MYO1H: variants seen among roughly 807,000 people sequenced by gnomAD.
The protein encoded by MYO1H is myosin IH.
A neutral mutation model predicts 149.3 loss-of-function variants in MYO1H; 118 were observed. The ratio of observed to expected loss-of-function variants is 0.79; its 90% confidence interval spans 0.68 to 0.92. The LOEUF (loss-of-function observed/expected upper bound fraction) is 0.92. Among genes scored for constraint, MYO1H ranks in the 40% least tolerant of loss-of-function variants. The probability of loss-of-function intolerance (pLI) is 0.00; values close to 1 mark genes in which losing one functional copy is unlikely to be tolerated. For synonymous variants in MYO1H, 447 were observed against 465.2 expected (o/e 0.96, Z 0.50); for missense variants, 1,212 against 1,280.7 (o/e 0.95, Z 0.82).
chr12:109,384,562 T>C (rs1290641145), intron 1 of MYO1H, among the ~76,000 whole-genome samples: 1 of 152,180 alleles, frequency 6.6e-6, no homozygotes, highest in East Asian at 1.9e-4. Flanking sequence ...ACTCTCGTTT[T>C]CTCACGCCCT....
At chr12:109,318,976 T>G in the MYO1H span, among the ~76,000 whole-genome samples, 2 of 135,922 alleles carry the variant, frequency 1.5e-5, no homozygotes, top group East Asian at 2.0e-4. Flanking sequence ...GGTTTTGTTT[T>G]TTTTTTTTTT....
At chr12:109,385,583 C>A (rs1259306147) in intron 1 of MYO1H, among the ~76,000 whole-genome samples, 1 of 152,170 alleles carries the variant, frequency 6.6e-6, no homozygotes, top group Non-Finnish European at 1.5e-5. Flanking sequence ...ACGAGCCTAC[C>A]ACGCCCAGCC....
At chr12:109,358,218 G>A (rs1401966002) in intron 1 of MYO1H, among the ~76,000 whole-genome samples, 1 of 151,856 alleles carries the variant, frequency 6.6e-6, no homozygotes, top group African/African-American at 2.4e-5. Flanking sequence ...CAGGATTGCT[G>A]TCATAAGAAA....
At chr12:109,332,103 G>A in the MYO1H span, among the ~76,000 whole-genome samples, 1 of 152,312 alleles carries the variant, frequency 6.6e-6, no homozygotes, top group South Asian at 2.1e-4. Flanking sequence ...AGCAAGTGCT[G>A]TACTGGGATT....
rs562164162 is a variant in MYO1H, at chr12:109,392,904, G to A, written c.175-427G>A. 7.9e-5 allele frequency among the ~76,000 whole-genome samples: 12 copies of A among 151,680 alleles called. No individual in the cohort carries two copies. In the East Asian group the frequency reaches 2.0e-3, roughly 25 times the overall value. The stretch of plus-strand genomic sequence containing the variant: ...GGCTCACTGCAACCTCCGCCTCCTG[G>A]GTTCAAGAGATTCTCCTGCCTCCGC... On this transcript the variant is annotated intron_variant, in intron 2 of 31. Coordinates refer to ENST00000310903, the Ensembl canonical transcript of MYO1H.
At position 109,415,599 on chromosome 12, in the gene MYO1H, G is replaced by GA. The variant is rs1870868470; in HGVS notation, c.1577dup (p.Val527GlyfsTer14). The GA allele has an allele frequency of 6.2e-7, 1 of 1,603,812 alleles. No individual in the cohort carries two copies. The highest frequency in any genetic ancestry group is 8.5e-7 in the Non-Finnish European group (1 of 1,175,424). ...GTTCCGACTCCTCCACTATGCAGGA[G>GA]AGGTCACATACTGCACCAAGGGTGA... On this transcript the variant is annotated frameshift_variant, in exon 15 of 32. Coordinates refer to ENST00000310903, the Ensembl canonical transcript of MYO1H. LOFTEE classifies it high-confidence loss of function.
chr12:109,316,499 A>C, the MYO1H span, among the ~76,000 whole-genome samples: 1 of 152,228 alleles, frequency 6.6e-6, no homozygotes, highest in Admixed American at 6.5e-5. Context: ...AACTTGTTCC[A>C]ATATAGCACT....
intron 15 of MYO1H, among the ~76,000 whole-genome samples, chr12:109,417,825 GT>G (rs201815885): frequency 3.3e-5 from 5 of 149,848 alleles, no homozygotes; most frequent in African/African-American, 4.9e-5. Context: ...GTTTTGTTTT[GT>G]TTTTTTTGAG....
At chr12:109,400,892 A>T (rs1870132419) in intron 5 of MYO1H, among the ~76,000 whole-genome samples, 1 of 152,220 alleles carries the variant, frequency 6.6e-6, no homozygotes, top group African/African-American at 2.4e-5. Context: ...TATCTTCATG[A>T]TAGTTTCTTG....
chr12:109,364,906 C>T (rs1035074614), intron 1 of MYO1H, among the ~76,000 whole-genome samples: 2 of 152,078 alleles, frequency 1.3e-5, no homozygotes, highest in African/African-American at 4.8e-5. Context: ...TATTTGTCAC[C>T]TTATGGTAAT....
chr12:109,401,096 A>G lies in MYO1H; in HGVS notation c.574A>G (p.Ile192Val), dbSNP rs946153800. ...CAATTTTTGTTCTGTTTTGAAGGGCATTCCCGTAGGTGGGCATATCATCAG... is the reference window on the plus strand; with the variant it reads ...CAATTTTTGTTCTGTTTTGAAGGGCGTTCCCGTAGGTGGGCATATCATCAG... The change falls in exon 6 of 32, where the codon ATT becomes GTT. Residue 192 changes from isoleucine to valine, a missense_variant. Ile to Val is a conservative substitution (Grantham distance 29). Coordinates refer to ENST00000310903, the Ensembl canonical transcript of MYO1H. 2 of 1,613,472 alleles carry G rather than the reference A, an allele frequency of 1.2e-6. No individual in the cohort carries two copies. Among genetic ancestry groups the G allele is most frequent in the Admixed American group, 3.3e-5 (2 of 59,996 alleles).
rs779891538 is a variant in MYO1H, at chr12:109,440,770, C to T, written c.2481C>T (p.Cys827=). 9 of 1,563,088 alleles carry T rather than the reference C, an allele frequency of 5.8e-6. No individual in the cohort carries two copies. In the South Asian group the frequency reaches 5.9e-5, roughly 10 times the overall value. ...CATCAGATCTGCTCAGGAAAATGTG[C>T]GTGAGGAACCTGGTGCAGAAGTACT... is the stretch of plus-strand genomic sequence containing the variant. The change falls in exon 25 of 32, where the codon TGC becomes TGT. Residue 827 remains cysteine, a synonymous_variant. Transcript: ENST00000310903.
chr12:109,396,522 A>G (rs1205305143), exon 4 of MYO1H: 2 of 1,613,806 alleles, frequency 1.2e-6, no homozygotes, highest in South Asian at 1.1e-5. Context: ...TGACCTGCCC[A>G]ATGACCCAGT....
upstream of MYO1H, among the ~76,000 whole-genome samples, chr12:109,343,171 G>A (rs559510619): frequency 1.3e-5 from 2 of 152,248 alleles, no homozygotes; most frequent in South Asian, 2.1e-4. Flanking sequence ...TAGTATCACA[G>A]GGACTAGAAA....
In MYO1H at chr12:109,435,118, G is replaced by A. The variant is rs771340906; in HGVS notation, c.2140+5G>A. The A allele has an allele frequency of 6.3e-6, 10 of 1,581,926 alleles. No homozygotes were observed. In the South Asian group the frequency reaches 1.1e-4, roughly 18 times the overall value. The stretch of plus-strand genomic sequence containing the variant: ...AATTTAGTAAACATCAACTAGGTAT[G>A]ATTTCTTTTTCTGTCCCGATTTCAA... On this transcript the variant is annotated splice_donor_5th_base_variant and intron_variant, in intron 21 of 31. Transcript: ENST00000310903.
At chr12:109,340,792 A>G in the MYO1H span, among the ~76,000 whole-genome samples, 14 of 152,228 alleles carry the variant, frequency 9.2e-5, no homozygotes, top group African/African-American at 3.4e-4. Flanking sequence ...TTTTATCAAT[A>G]TTGATCCTTT....
At chr12:109,441,155 G>T (rs1351890045) in intron 25 of MYO1H, among the ~76,000 whole-genome samples, 1 of 152,184 alleles carries the variant, frequency 6.6e-6, no homozygotes. Context: ...TTGTGTAAAG[G>T]GCTAGAAGAG....
intron 1 of MYO1H, among the ~76,000 whole-genome samples, chr12:109,359,791 G>C (rs1192848238): frequency 6.6e-6 from 1 of 152,210 alleles, no homozygotes; most frequent in Non-Finnish European, 1.5e-5. Flanking sequence ...TGGATTATCT[G>C]CAAGCGTTTC....
At chr12:109,423,413 T>G (rs1293087660) in intron 16 of MYO1H, among the ~76,000 whole-genome samples, 5 of 152,206 alleles carry the variant, frequency 3.3e-5, no homozygotes, top group African/African-American at 1.2e-4. Context: ...CCACCCGCCT[T>G]GGTCTCCCAA....
Sources: allele counts gnomAD v4.1 joint callset (sites outside exome capture counted in the v4.1 genomes callset), GRCh38; gene constraint gnomAD v4.1.1; transcripts MANE v1.5; gene names NCBI Gene and HGNC (gene_info 2026-07-23, HGNC 2026-07-21).